Variants in TCF4 observed in about 807,000 individuals in gnomAD.
TCF4 encodes the protein transcription factor 4.
In TCF4, 3 loss-of-function variants were observed where a neutral mutation model predicts 82.1. The ratio of observed to expected loss-of-function variants is 0.04; its 90% CI spans 0.02 to 0.09. The LOEUF is 0.09. Ranked by LOEUF, TCF4 falls within the 10% of genes least tolerant of loss-of-function variation. The probability of loss-of-function intolerance (pLI) is 1.00; values close to 1 mark genes in which losing one functional copy is unlikely to be tolerated. For synonymous variants in TCF4, 276 were observed against 309.6 expected (o/e 0.89, Z 1.14); for missense variants, 518 against 852.7 (o/e 0.61, Z 4.89).
chr18:55,504,283 C>T (rs536758633), intron 3 of TCF4, among the ~76,000 whole-genome samples: 20 of 152,310 alleles, frequency 1.3e-4, no homozygotes, highest in African/African-American at 4.8e-4. Context: ...ATCTGTTGAG[C>T]ATCTATGAAG....
At chr18:55,239,693 C>A (rs1439722027) in intron 15 of TCF4, among the ~76,000 whole-genome samples, 1 of 152,184 alleles carries the variant, frequency 6.6e-6, no homozygotes, top group Non-Finnish European at 1.5e-5. Context: ...TTGCCACGAT[C>A]CCTCCAACAT....
chr18:55,285,164 C>T (rs549340281), intron 8 of TCF4, among the ~76,000 whole-genome samples: 28 of 152,326 alleles, frequency 1.8e-4, no homozygotes, highest in African/African-American at 6.7e-4. Flanking sequence ...AGAAGATGTA[C>T]TCAGAAGACA....
Position 55,433,347 on chromosome 18 carries a change from A to G in TCF4, c.304+27672T>C, listed in dbSNP as rs567814471. On this transcript the variant is annotated intron_variant, in intron 5 of 19. Coordinates refer to ENST00000354452, the MANE Select transcript of TCF4 (RefSeq NM_001083962.2). ...AGATAAAATTTGCAAACAGCAGCAC[A>G]GTGTTTGGCACATAGATAACTAGCA... Among the ~76,000 whole-genome samples, 3 of 152,368 alleles carry G rather than the reference A, an allele frequency of 2.0e-5. No homozygotes were observed. The East Asian group carries it at 5.8e-4, about 29-fold the overall frequency.
At chr18:55,416,152 C>T (rs1457617113) in intron 5 of TCF4, among the ~76,000 whole-genome samples, 1 of 152,116 alleles carries the variant, frequency 6.6e-6, no homozygotes, top group Non-Finnish European at 1.5e-5. Context: ...AGGTAGGGCA[C>T]TGTTTATTCT....
chr18:55,551,739 A>AT (rs1464322369), intron 3 of TCF4: 1 of 152,194 alleles, frequency 6.6e-6, no homozygotes, highest in Non-Finnish European at 1.5e-5. Context: ...ATGCTTCAGA[A>AT]TATCTCGTCC....
chr18:55,621,850 ATGTAT>A (rs1414066726), intron 2 of TCF4, among the ~76,000 whole-genome samples: 4 of 26,786 alleles, frequency 1.5e-4, no homozygotes, highest in Admixed American at 1.1e-3. Flanking sequence ...TATACAATGT[ATGTAT>A]TATATTATAT....
At chr18:55,621,822 T>C (rs1184285996) in intron 2 of TCF4, among the ~76,000 whole-genome samples, 1 of 76,272 alleles carries the variant, frequency 1.3e-5, no homozygotes, top group Non-Finnish European at 2.4e-5. Flanking sequence ...TATTATATTA[T>C]ATAATATATA....
intron 6 of TCF4, chr18:55,351,798 T>G (rs1243575286): frequency 1.1e-6 from 1 of 878,522 alleles, no homozygotes; most frequent in Non-Finnish European, 1.4e-6. Context: ...AACTTACCCA[T>G]AATATATAAA....
chr18:55,326,330 T>C (rs1397343113), intron 8 of TCF4, among the ~76,000 whole-genome samples: 1 of 135,284 alleles, frequency 7.4e-6, no homozygotes, highest in Non-Finnish European at 1.5e-5. Context: ...CAGCATGTTA[T>C]AAAGGAGAGT....
At chr18:55,362,433 GGAAA>G (rs1266267945) in intron 6 of TCF4, among the ~76,000 whole-genome samples, 16 of 133,914 alleles carry the variant, frequency 1.2e-4, no homozygotes, top group African/African-American at 3.1e-4. Context: ...AAGGAAGGAA[GGAAA>G]AAAAAAAAGA....
At chr18:55,624,366 T>A (rs886650906) in intron 2 of TCF4, among the ~76,000 whole-genome samples, 2 of 152,104 alleles carry the variant, frequency 1.3e-5, no homozygotes, top group African/African-American at 4.8e-5. Context: ...GCTGCCTTCC[T>A]CTCACTGGGC....
At chr18:55,508,556 C>T (rs2924338) in intron 3 of TCF4, among the ~76,000 whole-genome samples, 107,209 of 152,012 alleles carry the variant, frequency 0.71, 39,243 homozygotes, top group East Asian at 0.99. Flanking sequence ...CATTTAATTC[C>T]CATAGCCCAA....
intron 15 of TCF4, among the ~76,000 whole-genome samples, chr18:55,248,077 G>A (rs944536221): frequency 6.6e-6 from 1 of 152,182 alleles, no homozygotes; most frequent in African/African-American, 2.4e-5. Flanking sequence ...TAACTGCTTA[G>A]AAATGAAGTA....
At chr18:55,504,688 C>T (rs1319332820) in intron 3 of TCF4, among the ~76,000 whole-genome samples, 3 of 152,214 alleles carry the variant, frequency 2.0e-5, no homozygotes, top group African/African-American at 7.2e-5. Context: ...AACATTCTCG[C>T]TCATGCATAT....
At chr18:55,303,272 T>TACACACACACACACCCCC (rs2068996657) in intron 8 of TCF4, among the ~76,000 whole-genome samples, 1 of 119,322 alleles carries the variant, frequency 8.4e-6, no homozygotes, top group South Asian at 3.0e-4. Flanking sequence ...CACACACCCC[T>TACACACACACACACCCCC]ACACACCTGA....
intron 3 of TCF4, among the ~76,000 whole-genome samples, chr18:55,495,119 A>G (rs1228427435): frequency 6.6e-6 from 1 of 152,088 alleles, no homozygotes; most frequent in African/African-American, 2.4e-5. Context: ...ATTTTAACCA[A>G]TTCACAACCT....
intron 6 of TCF4, among the ~76,000 whole-genome samples, chr18:55,395,377 G>A (rs970118802): frequency 2.0e-5 from 3 of 152,130 alleles, no homozygotes; most frequent in Non-Finnish European, 4.4e-5. Context: ...TTTTAAAAAC[G>A]CTTAATGGTT....
intron 5 of TCF4, among the ~76,000 whole-genome samples, chr18:55,429,484 C>T (rs1254242022): frequency 3.3e-5 from 5 of 152,306 alleles, no homozygotes; most frequent in East Asian, 1.9e-4. Flanking sequence ...CATTTGGGGC[C>T]GAGCACGATG....
chr18:55,520,083 C>A (rs1418311453), intron 3 of TCF4, among the ~76,000 whole-genome samples: 2 of 152,098 alleles, frequency 1.3e-5, no homozygotes, highest in Admixed American at 6.6e-5. Context: ...ATGAATAATT[C>A]AAATTGATTA....
Sources: allele counts gnomAD v4.1 joint callset (sites outside exome capture counted in the v4.1 genomes callset), GRCh38; gene constraint gnomAD v4.1.1; transcripts MANE v1.5; gene names NCBI Gene and HGNC (gene_info 2026-07-23, HGNC 2026-07-21).